The following SGK1 variants were observed in gnomAD, a reference collection of about 807,000 sequenced individuals.
The protein encoded by SGK1 is serine/threonine-protein kinase Sgk1.
A neutral mutation model predicts 64.2 loss-of-function variants in SGK1; 26 were observed. That is an observed-to-expected ratio of 0.40 (90% CI 0.30 to 0.56). The LOEUF (loss-of-function observed/expected upper bound fraction) is 0.56, where lower values mean the gene tolerates loss of function less well. SGK1 is among the 20% of genes least tolerant of loss of function. SGK1 has a pLI of 0.38. For missense variants in SGK1, 519 were observed against 645.6 expected (o/e 0.80, Z 2.12); for synonymous variants, 265 against 239.7 (o/e 1.11, Z -0.98).
At chr6:134,300,611 G>T (rs868134178) in intron 1 of SGK1, among the ~76,000 whole-genome samples, 9 of 149,712 alleles carry the variant, frequency 6.0e-5, no homozygotes, top group Non-Finnish European at 1.2e-4. Context: ...TAAAGAGAAA[G>T]GAGTTAAAAA....
chr6:134,208,790 A>G (rs1005713851), intron 2 of SGK1, among the ~76,000 whole-genome samples: 1 of 151,366 alleles, frequency 6.6e-6, no homozygotes, highest in South Asian at 2.1e-4. Context: ...ATAGATATAC[A>G]CACACACATA....
chr6:134,266,107 C>T (rs928979178), intron 1 of SGK1, among the ~76,000 whole-genome samples: 2 of 152,030 alleles, frequency 1.3e-5, no homozygotes, highest in Non-Finnish European at 2.9e-5. Context: ...CCTCAGCCTC[C>T]TGAGTGGCTG....
In SGK1 at chr6:134,174,089, A is replaced by C. The variant is rs748814267; in HGVS notation, c.438-9T>G. 1 of 1,608,572 alleles carries C rather than the reference A, an allele frequency of 6.2e-7. No individual in the cohort carries two copies. The highest frequency in any genetic ancestry group is 8.5e-7 in the Non-Finnish European group (1 of 1,177,144). ...TGGACTGAACTTCAGGGCTGCAGGG[A>C]ATAAAGGGCACGATTTAGAATCCAG... On this transcript the variant is annotated splice_polypyrimidine_tract_variant and intron_variant, in intron 4 of 13. Transcript: ENST00000367858.
chr6:134,294,186 C>T (rs192092749), intron 1 of SGK1, among the ~76,000 whole-genome samples: 13 of 152,254 alleles, frequency 8.5e-5, no homozygotes, highest in Admixed American at 3.3e-4. Flanking sequence ...TTCTTCAGCA[C>T]GTTTCCCATC....
chr6:134,257,287 C>T (rs939866648), intron 2 of SGK1: 1 of 152,304 alleles, frequency 6.6e-6, no homozygotes, highest in African/African-American at 2.4e-5. Context: ...CCTGTAATGC[C>T]AGCTATTCGC....
At chr6:134,230,085 T>TGGAGCACAGCAGCTC (rs1776253382) in intron 2 of SGK1, among the ~76,000 whole-genome samples, 1 of 152,216 alleles carries the variant, frequency 6.6e-6, no homozygotes, top group Non-Finnish European at 1.5e-5. Flanking sequence ...TGAGAAAGAC[T>TGGAGCACAGCAGCTC]GGAGCACAGC....
At chr6:134,208,098 G>A (rs894320137) in intron 2 of SGK1, among the ~76,000 whole-genome samples, 6 of 152,088 alleles carry the variant, frequency 3.9e-5, no homozygotes, top group African/African-American at 1.4e-4. Context: ...TTTTAGCAGA[G>A]ACGGGGTTTC....
intron 3 of SGK1, 165 bp from the exon 4 acceptor site, chr6:134,174,751 G>GC: frequency 6.2e-7 from 1 of 1,614,156 alleles, no homozygotes; most frequent in Non-Finnish European, 8.5e-7. Context: ...TTGCCACCAT[G>GC]CCCCTCATCC....
intron 2 of SGK1, among the ~76,000 whole-genome samples, chr6:134,236,631 A>G (rs1046597851): frequency 8.5e-5 from 13 of 152,116 alleles, no homozygotes; most frequent in Admixed American, 7.2e-4. Context: ...TATCTCAAAA[A>G]TAAATAAGTA....
intron 3 of SGK1, among the ~76,000 whole-genome samples, chr6:134,189,017 A>T (rs1775466559): frequency 6.8e-6 from 1 of 147,474 alleles, no homozygotes; most frequent in Non-Finnish European, 1.5e-5. Flanking sequence ...AAATGCTGGG[A>T]TACAGGTGTG....
intron 2 of SGK1, among the ~76,000 whole-genome samples, chr6:134,241,338 TG>T (rs1477916206): frequency 6.6e-6 from 1 of 151,900 alleles, no homozygotes; most frequent in East Asian, 1.9e-4. Context: ...TGTGGGTCAA[TG>T]GACCCAGGCT....
chr6:134,279,748 TG>T (rs965216423), intron 1 of SGK1, among the ~76,000 whole-genome samples: 2 of 152,190 alleles, frequency 1.3e-5, no homozygotes, highest in African/African-American at 4.8e-5. Flanking sequence ...TTATGCTTTT[TG>T]CCATTCTTTT....
At chr6:134,278,491 G>A (rs1262920920) in intron 1 of SGK1, among the ~76,000 whole-genome samples, 3 of 152,118 alleles carry the variant, frequency 2.0e-5, no homozygotes, top group African/African-American at 4.8e-5. Context: ...CTGCTTGTTC[G>A]TTGAGTCCTC....
At chr6:134,244,131 C>A (rs1214749116) in intron 2 of SGK1, among the ~76,000 whole-genome samples, 2 of 151,774 alleles carry the variant, frequency 1.3e-5, no homozygotes, top group Admixed American at 1.3e-4. Context: ...TCCCACCCCA[C>A]CCCCTGACAG....
chr6:134,171,316 C>T (rs1775016515), intron 11 of SGK1, 138 bp from the exon 12 acceptor site: 1 of 835,022 alleles, frequency 1.2e-6, no homozygotes, highest in Non-Finnish European at 1.9e-6. Context: ...GCTTTCTTTT[C>T]CCTTGCTATT....
chr6:134,233,705 A>G (rs1316266482), intron 2 of SGK1, among the ~76,000 whole-genome samples: 1 of 152,208 alleles, frequency 6.6e-6, no homozygotes, highest in Non-Finnish European at 1.5e-5. Context: ...TTTAAATATA[A>G]TTCATGCAGA....
intron 1 of SGK1, among the ~76,000 whole-genome samples, chr6:134,264,236 C>T (rs537731556): frequency 6.6e-6 from 1 of 151,840 alleles, no homozygotes; most frequent in Non-Finnish European, 1.5e-5. Flanking sequence ...TCTCCTGCCT[C>T]AGCCTCCCGA....
chr6:134,277,134 G>A lies in SGK1; in HGVS notation c.70-14986C>T, dbSNP rs563494939. Among the ~76,000 whole-genome samples the A allele has an allele frequency of 2.0e-3, 303 of 152,142 alleles. 1 individual carries two copies. Among genetic ancestry groups the A allele is most frequent in the African/African-American group, 6.6e-3 (273 of 41,532 alleles). ...CACGCCTGTAACCCCAGCACTTTGG[G>A]AGGAGGCCAAGGCAGGCATCTCTAC... is the stretch of plus-strand genomic sequence containing the variant. On this transcript the variant is annotated intron_variant, in intron 1 of 13. Transcript: ENST00000367858.
At chr6:134,248,609 G>A (rs1317678540) in intron 2 of SGK1, among the ~76,000 whole-genome samples, 1 of 151,792 alleles carries the variant, frequency 6.6e-6, no homozygotes, top group Non-Finnish European at 1.5e-5. Flanking sequence ...GTGCCACGAC[G>A]CCCAGATAGT....
Sources: gnomAD v4.1 joint callset for allele counts (sites outside exome capture counted in the v4.1 genomes callset) on GRCh38, gnomAD v4.1.1 for gene constraint, MANE v1.5 for transcripts, NCBI Gene and HGNC (gene_info 2026-07-23, HGNC 2026-07-21) for gene names.